PKP4: variants seen among roughly 807,000 people sequenced by gnomAD.
PKP4 encodes the protein plakophilin 4, also known as plakophilin-4.
PKP4 carries 90 observed loss-of-function variants against 145.1 expected under a neutral mutation model. The observed-to-expected ratio is 0.62, with a 90% CI of 0.52 to 0.74. The LOEUF (loss-of-function observed/expected upper bound fraction) is 0.74, where lower values mean the gene tolerates loss of function less well. Ranked by LOEUF, PKP4 falls within the 30% of genes least tolerant of loss-of-function variation. The probability of loss-of-function intolerance (pLI) is 0.00; values close to 1 mark genes in which losing one functional copy is unlikely to be tolerated. For synonymous variants in PKP4, 563 were observed against 577.2 expected, an observed-to-expected ratio of 0.98 and a Z score of 0.35; for missense variants, 1,340 against 1,482.7, an observed-to-expected ratio of 0.90 and a Z score of 1.58.
At chr2:158,597,996 T>TA (rs397722118) in intron 3 of PKP4, among the ~76,000 whole-genome samples, 1 of 151,474 alleles carries the variant, frequency 6.6e-6, no homozygotes, top group African/African-American at 2.4e-5. Flanking sequence ...ATTTTTTTTT[T>TA]AAACTTTTTT....
intron 1 of PKP4, among the ~76,000 whole-genome samples, chr2:158,501,265 CAAAAA>C (rs2105495520): frequency 6.6e-6 from 1 of 152,318 alleles, no homozygotes; most frequent in African/African-American, 2.4e-5. Flanking sequence ...GCTCACTTAA[CAAAAA>C]CAAAACAATA....
At chr2:158,467,912 T>G (rs1234610725) in intron 1 of PKP4, among the ~76,000 whole-genome samples, 1 of 152,152 alleles carries the variant, frequency 6.6e-6, no homozygotes, top group Admixed American at 6.6e-5. Context: ...ATTTGGGATA[T>G]TTTTTCCCAT....
intron 1 of PKP4, among the ~76,000 whole-genome samples, chr2:158,469,386 G>A (rs898046769): frequency 1.3e-5 from 2 of 152,010 alleles, no homozygotes; most frequent in Admixed American, 6.6e-5. Flanking sequence ...CACCACACCC[G>A]GCCAGAAAAG....
At position 158,680,784 on chromosome 2, in the gene PKP4, G is replaced by A. The variant is rs1575170704; in HGVS notation, c.*107G>A. 2.9e-6 allele frequency: 3 copies of A among 1,022,654 alleles called. No individual in the cohort carries two copies. In the East Asian group the frequency reaches 7.3e-5, roughly 25 times the overall value. 63.3% of individuals were successfully genotyped at this position (1,022,654 alleles called of 1,614,324 possible). On this transcript the variant is annotated 3_prime_UTR_variant, in exon 22 of 22. Transcript: ENST00000389759. ...ATTGAAATGTGAAAGTGAAGTGGAA[G>A]GAATGAATGAAGTGTGTTTTTTTTT...
intron 4 of PKP4, among the ~76,000 whole-genome samples, chr2:158,614,209 T>C (rs1013716269): frequency 6.6e-6 from 1 of 152,184 alleles, no homozygotes; most frequent in Non-Finnish European, 1.5e-5. Context: ...TGTTTTGAAC[T>C]TCTACAACAA....
rs563105719 is a variant in PKP4, at chr2:158,500,185, C to T, written c.-5-32995C>T. On this transcript the variant is annotated intron_variant, in intron 1 of 21. Coordinates refer to ENST00000389759, the MANE Select transcript of PKP4 (RefSeq NM_003628.6). The stretch of plus-strand genomic sequence containing the variant: ...ACTAGTCCCATCATTTCTCTTTCTC[C>T]TGCAAGAAGTTGGAATGTCCTAACC... 3.1e-4 allele frequency among the ~76,000 whole-genome samples: 47 copies of T among 152,294 alleles called. 1 individual carries two copies. The South Asian group carries it at 9.7e-3, about 32-fold the overall frequency.
intron 1 of PKP4, among the ~76,000 whole-genome samples, chr2:158,514,307 T>C (rs999130683): frequency 6.6e-6 from 1 of 152,224 alleles, no homozygotes; most frequent in Non-Finnish European, 1.5e-5. Flanking sequence ...TGCAGAAAAG[T>C]AAATAAGTTA....
intron 1 of PKP4, among the ~76,000 whole-genome samples, chr2:158,498,722 T>C (rs1696111825): frequency 6.6e-6 from 1 of 152,202 alleles, no homozygotes; most frequent in African/African-American, 2.4e-5. Flanking sequence ...TTCTAGAACC[T>C]TGACTCCTCT....
intron 11 of PKP4, among the ~76,000 whole-genome samples, chr2:158,650,338 A>G (rs1173369467): frequency 1.3e-5 from 2 of 152,230 alleles, no homozygotes; most frequent in Non-Finnish European, 2.9e-5. Flanking sequence ...TTATGTCATT[A>G]ATCCTCAAAA....
chr2:158,680,440 G>GTAT lies in PKP4; in HGVS notation c.3346_3348dup (p.Tyr1116dup), dbSNP rs750074982. On this transcript the variant is annotated inframe_insertion, in exon 22 of 22. Coordinates refer to ENST00000389759, the MANE Select transcript of PKP4 (RefSeq NM_003628.6). ...CATTTTGTCAACAGCATCAACAGCT[G>GTAT]TATTATAGTCAAGATGACTCCAACA... 1 of 1,609,338 alleles carries GTAT rather than the reference G, an allele frequency of 6.2e-7. No homozygotes were observed. The highest frequency in any genetic ancestry group is 1.1e-5 in the South Asian group (1 of 89,944).
chr2:158,504,249 G>A (rs916764990), intron 1 of PKP4, among the ~76,000 whole-genome samples: 2 of 152,130 alleles, frequency 1.3e-5, no homozygotes, highest in African/African-American at 4.8e-5. Flanking sequence ...TCAACATTGC[G>A]TTATTAGGAA....
At chr2:158,657,082 T>C (rs1002670613) in intron 11 of PKP4, among the ~76,000 whole-genome samples, 1 of 152,178 alleles carries the variant, frequency 6.6e-6, no homozygotes, top group African/African-American at 2.4e-5. Flanking sequence ...GTGAAAGCAC[T>C]GTACAGACTC....
At chr2:158,549,741 CAT>C (rs770535596) in intron 2 of PKP4, among the ~76,000 whole-genome samples, 3 of 152,152 alleles carry the variant, frequency 2.0e-5, no homozygotes, top group Non-Finnish European at 4.4e-5. Flanking sequence ...TTCCAACACT[CAT>C]ATTTTGCATT....
intron 11 of PKP4, among the ~76,000 whole-genome samples, chr2:158,649,168 A>C (rs1480311900): frequency 6.6e-6 from 1 of 152,202 alleles, no homozygotes; most frequent in African/African-American, 2.4e-5. Flanking sequence ...TTGAACTGGA[A>C]AGAACCCTAA....
At chr2:158,591,204 T>C (rs2049244781) in intron 3 of PKP4, among the ~76,000 whole-genome samples, 2 of 152,110 alleles carry the variant, frequency 1.3e-5, no homozygotes, top group South Asian at 4.1e-4. Flanking sequence ...ATGTAACATA[T>C]GGACCTTGTT....
chr2:158,500,681 T>G (rs1353023447), intron 1 of PKP4, among the ~76,000 whole-genome samples: 2 of 152,234 alleles, frequency 1.3e-5, no homozygotes, highest in Non-Finnish European at 2.9e-5. Context: ...TCTTACATTG[T>G]TGGCCTACAG....
chr2:158,556,628 T>G (rs2046119655), intron 2 of PKP4, among the ~76,000 whole-genome samples: 1 of 151,930 alleles, frequency 6.6e-6, no homozygotes, highest in African/African-American at 2.4e-5. Context: ...ATGCTGGATG[T>G]CATAGAAGGC....
intron 4 of PKP4, among the ~76,000 whole-genome samples, chr2:158,616,684 C>T (rs768781395): frequency 2.6e-5 from 4 of 152,158 alleles, no homozygotes; most frequent in Non-Finnish European, 4.4e-5. Context: ...TCAGAACAGA[C>T]TCAAACAAGG....
chr2:158,609,425 A>C (rs1436775887), intron 4 of PKP4, among the ~76,000 whole-genome samples: 1 of 152,336 alleles, frequency 6.6e-6, no homozygotes, highest in Middle Eastern at 3.4e-3. Context: ...GGTTTCCTAT[A>C]CAAAATTTCA....
Sources: allele counts gnomAD v4.1 joint callset (sites outside exome capture counted in the v4.1 genomes callset), GRCh38; gene constraint gnomAD v4.1.1; transcripts MANE v1.5; gene names NCBI Gene and HGNC (gene_info 2026-07-23, HGNC 2026-07-21).